The following GGNBP2 variants were observed in gnomAD, a reference collection of about 807,000 sequenced individuals.
The protein encoded by GGNBP2 is gametogenetin binding protein 2.
A neutral mutation model predicts 85.9 loss-of-function variants in GGNBP2; 10 were observed. That is an observed-to-expected ratio of 0.12 (90% CI 0.07 to 0.20). GGNBP2 has a LOEUF of 0.20. Among genes scored for constraint, GGNBP2 ranks in the 10% least tolerant of loss-of-function variants. GGNBP2 has a pLI of 1.00. For synonymous variants in GGNBP2, 287 were observed against 285.7 expected (o/e 1.00, Z -0.05); for missense variants, 595 against 857.8 (o/e 0.69, Z 3.83).
At chr17:36,561,975 T>TAATC (rs1236462748) in intron 5 of GGNBP2, among the ~76,000 whole-genome samples, 1 of 152,092 alleles carries the variant, frequency 6.6e-6, no homozygotes, top group Non-Finnish European at 1.5e-5. Flanking sequence ...GTTTTCTTCT[T>TAATC]GATTAAGTGC....
intron 5 of GGNBP2, among the ~76,000 whole-genome samples, chr17:36,563,991 G>A (rs949608565): frequency 4.6e-5 from 7 of 152,276 alleles, no homozygotes; most frequent in African/African-American, 9.6e-5. Context: ...TGATCAACCC[G>A]CCTTGGCCTC....
chr17:36,545,489 C>T (rs2074241860), intron 1 of GGNBP2, 130 bp from the exon 2 acceptor site: 2 of 435,586 alleles, frequency 4.6e-6, no homozygotes, highest in South Asian at 4.6e-5. Flanking sequence ...ATTGGCTGAG[C>T]GTGTGTGGAA....
intron 6 of GGNBP2, chr17:36,575,116 G>T: frequency 1.3e-6 from 1 of 758,698 alleles, no homozygotes; most frequent in Non-Finnish European, 2.3e-6. Flanking sequence ...CCAGGGACTT[G>T]ATCTTCATGT....
At chr17:36,562,622 T>C (rs1359275886) in intron 5 of GGNBP2, among the ~76,000 whole-genome samples, 2 of 151,714 alleles carry the variant, frequency 1.3e-5, no homozygotes, top group Admixed American at 6.6e-5. Context: ...AGTGGTATGT[T>C]AATAATCTAT....
chr17:36,571,212 C>G (rs1555606752), intron 6 of GGNBP2, among the ~76,000 whole-genome samples: 3 of 152,108 alleles, frequency 2.0e-5, no homozygotes, highest in Admixed American at 1.3e-4. Flanking sequence ...GCAGGAGGAT[C>G]ACTTGAGTTC....
intron 6 of GGNBP2, among the ~76,000 whole-genome samples, chr17:36,572,250 T>C (rs1027466625): frequency 3.3e-5 from 5 of 152,244 alleles, no homozygotes; most frequent in African/African-American, 9.6e-5. Context: ...TATTGTTCTC[T>C]TTGATATTTG....
chr17:36,588,991 T>C (rs751182710), intron 13 of GGNBP2, among the ~76,000 whole-genome samples: 3 of 152,198 alleles, frequency 2.0e-5, no homozygotes, highest in African/African-American at 4.8e-5. Flanking sequence ...GGAGAAATTA[T>C]AGATTCAAGG....
At chr17:36,558,196 C>A (rs528669288) in intron 4 of GGNBP2, among the ~76,000 whole-genome samples, 1 of 151,984 alleles carries the variant, frequency 6.6e-6, no homozygotes, top group East Asian at 2.0e-4. Context: ...GTTGGATTGC[C>A]TGAGCTCAGG....
At position 36,560,869 on chromosome 17, in the gene GGNBP2, G is replaced by A; in HGVS notation, c.525G>A (p.Leu175=). ...TAGATACGCACAAGCCAAAACCTTT[G>A]GGGTAAGTAGAATTGAATACCAAGA... is the stretch of plus-strand genomic sequence containing the variant. The part of the protein sequence containing the change: ...HSLDTHKPKP[L]GGCWMDVWEL... Residue 175 remains leucine (L), a splice_region_variant and synonymous_variant, in exon 5 of 14, where the codon TTG becomes TTA. Transcript: ENST00000613102. 2 of 1,523,940 alleles carry A rather than the reference G, an allele frequency of 1.3e-6. No homozygotes were observed. Among genetic ancestry groups the A allele is most frequent in the Non-Finnish European group, 1.8e-6 (2 of 1,115,554 alleles). The allele number at this position is 1,523,940 out of a possible 1,614,324, so 94.4% of individuals were successfully genotyped here.
At chr17:36,554,407 G>A (rs1224267046) in intron 2 of GGNBP2, among the ~76,000 whole-genome samples, 1 of 81,036 alleles carries the variant, frequency 1.2e-5, no homozygotes, top group African/African-American at 5.3e-5. Context: ...CACTCTTGTT[G>A]TCCAGGCTGG....
At chr17:36,557,486 C>G (rs776802532) in intron 4 of GGNBP2, 150 bp downstream of exon 4, 18 of 681,212 alleles carry the variant, frequency 2.6e-5, no homozygotes, top group Non-Finnish European at 4.2e-5. Flanking sequence ...AAAGTTTCAA[C>G]TCTCCACGTG....
chr17:36,584,016 A>G (rs1317106847), intron 9 of GGNBP2, among the ~76,000 whole-genome samples: 1 of 152,224 alleles, frequency 6.6e-6, no homozygotes, highest in Non-Finnish European at 1.5e-5. Flanking sequence ...TGCAGGTCAG[A>G]AAAGTCCAAG....
intron 6 of GGNBP2, chr17:36,577,709 A>G (rs1206527816): frequency 2.1e-6 from 1 of 465,376 alleles, no homozygotes; most frequent in African/African-American, 2.0e-5. Context: ...TTTTCTGGGC[A>G]TGCATTTTAT....
At position 36,586,095 on chromosome 17, in the gene GGNBP2, G is replaced by T. The variant is rs773208034; in HGVS notation, c.1538G>T (p.Gly513Val). 1.2e-6 allele frequency: 2 copies of T among 1,614,020 alleles called. No individual in the cohort carries two copies. The highest frequency in any genetic ancestry group is 1.7e-5 in the Admixed American group (1 of 59,994). ...VHHCEDKEDDGDSCVECWANS... is the reference protein window; with the variant it reads ...VHHCEDKEDDVDSCVECWANS... The stretch of plus-strand genomic sequence containing the variant: ...CACTGTGAAGACAAAGAGGATGATG[G>T]TGATAGTTGTGTTGAATGTTGGGCA... The change falls in exon 12 of 14, where the codon GGT (glycine) becomes GTT (valine). Residue 513 changes from glycine (G) to valine (V), a missense_variant. Gly to Val is a moderately radical substitution (Grantham distance 109). Around this residue, in one of 9 missense-constraint regions of GGNBP2, gnomAD observed 35 missense variants for 49.6 expected, o/e 0.71. Transcript: ENST00000613102.
intron 5 of GGNBP2, among the ~76,000 whole-genome samples, chr17:36,566,191 C>G (rs1341121272): frequency 6.6e-6 from 1 of 152,158 alleles, no homozygotes; most frequent in African/African-American, 2.4e-5. Context: ...GCCAGTTGTT[C>G]AGAATCATGA....
rs754503510 is a variant in GGNBP2 at position 36,545,690 on chromosome 17, A to C, written c.-35A>C. 1.1e-4 allele frequency: 158 copies of C among 1,489,286 alleles called. No individual in the cohort carries two copies. In the African/African-American group the frequency reaches 1.9e-3, roughly 18 times the overall value. 92.3% of individuals were successfully genotyped at this position (1,489,286 alleles called of 1,614,324 possible). On this transcript the variant is annotated 5_prime_UTR_variant, in exon 2 of 14. Transcript: ENST00000613102. ...GGCGGCGGCGGCGGCAGCTGGGAGG[A>C]GGTGGTGACGGTGGCAACGGCAGCG...
chr17:36,555,010 A>C, intron 3 of GGNBP2, 110 bp downstream of exon 3: 1 of 649,544 alleles, frequency 1.5e-6, no homozygotes, highest in East Asian at 2.7e-5. Flanking sequence ...TTAATATTGC[A>C]CTGGAATTGC....
At chr17:36,548,110 G>T (rs990124290) in intron 2 of GGNBP2, among the ~76,000 whole-genome samples, 1 of 152,184 alleles carries the variant, frequency 6.6e-6, no homozygotes, top group Admixed American at 6.5e-5. Context: ...CCTAGGGTCT[G>T]TAGGTAATGC....
chr17:36,545,879 C>G, intron 2 of GGNBP2, 62 bp downstream of exon 2: 2 of 1,187,594 alleles, frequency 1.7e-6, no homozygotes, highest in Non-Finnish European at 2.4e-6. Flanking sequence ...CCTCCTCCCC[C>G]TCCCCCAGGC....
Sources: gnomAD v4.1 joint callset for allele counts (sites outside exome capture counted in the v4.1 genomes callset) on GRCh38, gnomAD v4.1.1 for gene constraint, gnomAD v4.1.1 regional missense constraint, MANE v1.5 for transcripts, NCBI Gene and HGNC (gene_info 2026-07-23, HGNC 2026-07-21) for gene names.